The following FGD3 variants were observed in gnomAD, a reference collection of about 807,000 sequenced individuals.
FGD3 encodes FYVE, RhoGEF and PH domain-containing protein 3.
FGD3 carries 45 observed loss-of-function variants against 71.8 expected under a neutral mutation model. The ratio of observed to expected loss-of-function variants is 0.63; its 90% CI spans 0.49 to 0.80. FGD3 has a LOEUF of 0.80. Among genes scored for constraint, FGD3 ranks in the 30% least tolerant of loss-of-function variants. FGD3 has a pLI of 0.00. For missense variants in FGD3, 844 were observed against 951.5 expected (o/e 0.89, Z 1.49); for synonymous variants, 378 against 392.8 (o/e 0.96, Z 0.44).
At chr9:93,030,760 T>A (rs1201468530) in intron 15 of FGD3, among the ~76,000 whole-genome samples, 1 of 148,758 alleles carries the variant, frequency 6.7e-6, no homozygotes, top group Non-Finnish European at 1.5e-5. Context: ...GAAGGATGGA[T>A]GATGGATGGG....
chr9:92,993,458 G>A (rs1209780604), intron 3 of FGD3, among the ~76,000 whole-genome samples: 1 of 151,944 alleles, frequency 6.6e-6, no homozygotes, highest in East Asian at 1.9e-4. Context: ...CAGCCAATAT[G>A]TCTTTTTCTT....
At chr9:92,952,936 A>C (rs150357978) in intron 1 of FGD3, among the ~76,000 whole-genome samples, 97 of 152,298 alleles carry the variant, frequency 6.4e-4, no homozygotes, top group African/African-American at 2.3e-3. Flanking sequence ...CCTCTGGTTG[A>C]TCAGGAGCTT....
chr9:92,981,707 A>G (rs996756282), intron 3 of FGD3, among the ~76,000 whole-genome samples: 11 of 152,092 alleles, frequency 7.2e-5, no homozygotes, highest in African/African-American at 2.7e-4. Flanking sequence ...TCCTTCATAT[A>G]TTTAGGAGCG....
intron 3 of FGD3, among the ~76,000 whole-genome samples, chr9:92,997,612 C>T (rs986862740): frequency 2.0e-5 from 3 of 152,100 alleles, no homozygotes; most frequent in South Asian, 2.1e-4. Context: ...TGGCTGGTAC[C>T]GGTTGTTCCT....
Position 93,019,889 on chromosome 9 carries a change from CA to C in FGD3, c.1386+31del, listed in dbSNP as rs34123511. 995 of 1,612,762 alleles carry C rather than the reference CA, an allele frequency of 6.2e-4. 4 individuals are homozygous for C. In the African/African-American group the frequency reaches 0.011, roughly 18 times the overall value. On this transcript the variant is annotated intron_variant, in intron 12 of 17. Transcript: ENST00000375482. ...GAAGCTTCTAAAGTTGTAAAGTAACCAAATGACCAAGTGATTGAGCAGTAAG... is the reference window on the plus strand; with the variant it reads ...GAAGCTTCTAAAGTTGTAAAGTAACCAATGACCAAGTGATTGAGCAGTAAG...
chr9:92,948,871 A>G (rs1436337718), intron 1 of FGD3, among the ~76,000 whole-genome samples: 1 of 152,168 alleles, frequency 6.6e-6, no homozygotes, highest in Non-Finnish European at 1.5e-5. Flanking sequence ...CCAGGGTCCC[A>G]GCTCATTCAC....
intron 1 of FGD3, among the ~76,000 whole-genome samples, chr9:92,957,221 G>A (rs1859070922): frequency 1.3e-5 from 2 of 152,202 alleles, no homozygotes; most frequent in Admixed American, 1.3e-4. Flanking sequence ...ATACCTAGAA[G>A]TGCAATTGCT....
chr9:93,026,996 A>T lies in FGD3; in HGVS notation c.1558-2878A>T, dbSNP rs1160506790. Among the ~76,000 whole-genome samples, 3 of 152,218 alleles carry T rather than the reference A, an allele frequency of 2.0e-5. No individual in the cohort carries two copies. The East Asian group carries it at 5.8e-4, about 29-fold the overall frequency. On this transcript the variant is annotated intron_variant, in intron 14 of 17. Transcript: ENST00000375482. Reference sequence around the variant, plus strand: ...AGAGGTTTTTGCCGCCAGGTCAGTGATGCCCATTCCCCACCTAGTGTGCTT... The same window carrying T: ...AGAGGTTTTTGCCGCCAGGTCAGTGTTGCCCATTCCCCACCTAGTGTGCTT...
At chr9:92,958,391 A>G (rs1564140023) in intron 1 of FGD3, among the ~76,000 whole-genome samples, 1 of 152,220 alleles carries the variant, frequency 6.6e-6, no homozygotes. Context: ...GACCCCACAT[A>G]TTCAGAGACA....
Position 92,976,362 on chromosome 9 carries a change from C to T in FGD3, c.106C>T (p.Pro36Ser). Residue 36 changes from proline to serine, a missense_variant, in exon 3 of 18, where the codon CCT (proline) becomes TCT (serine). Transcript: ENST00000375482. ...CTCCCTAGGGAAGCTTCAGGCGCTC[C>T]CTGTTGGGCCCAGAGCCCACTGTGG... Reference protein sequence around the residue: ...SSSLGKLQALPVGPRAHCGDP... With the variant: ...SSSLGKLQALSVGPRAHCGDP... The T allele has an allele frequency of 6.8e-6, 11 of 1,610,562 alleles. No individual in the cohort carries two copies. Among genetic ancestry groups the T allele is most frequent in the South Asian group, 2.2e-5 (2 of 90,240 alleles).
chr9:92,955,443 G>T (rs1859033774), intron 1 of FGD3, among the ~76,000 whole-genome samples: 1 of 152,130 alleles, frequency 6.6e-6, no homozygotes, highest in Non-Finnish European at 1.5e-5. Flanking sequence ...GGCTGAGGCA[G>T]CCTGGGCAAA....
intron 14 of FGD3, among the ~76,000 whole-genome samples, chr9:93,028,496 C>A (rs537543207): frequency 2.6e-5 from 4 of 151,812 alleles, no homozygotes; most frequent in African/African-American, 9.7e-5. Flanking sequence ...ACAGTGGTTT[C>A]GGCACCCATA....
At chr9:93,020,279 C>T in intron 12 of FGD3, 38 bp from the exon 13 acceptor site, 1 of 1,566,898 alleles carries the variant, frequency 6.4e-7, no homozygotes, top group Non-Finnish European at 8.7e-7. Context: ...TCCTCCCATG[C>T]CCCTTTATAG....
At chr9:92,989,415 C>T (rs932558600) in intron 3 of FGD3, among the ~76,000 whole-genome samples, 22 of 152,344 alleles carry the variant, frequency 1.4e-4, no homozygotes, top group Middle Eastern at 3.4e-3. Flanking sequence ...CGTGAGCCAC[C>T]GCACCTGGCC....
chr9:93,021,883 C>T (rs1861931112), intron 13 of FGD3, among the ~76,000 whole-genome samples: 1 of 152,176 alleles, frequency 6.6e-6, no homozygotes, highest in Non-Finnish European at 1.5e-5. Flanking sequence ...AGACACTGAG[C>T]CTGGCTGTCC....
At chr9:93,010,657 A>G (rs537259353) in intron 7 of FGD3, among the ~76,000 whole-genome samples, 2 of 111,146 alleles carry the variant, frequency 1.8e-5, no homozygotes, top group Non-Finnish European at 3.6e-5. Context: ...AAGGAGGGGG[A>G]GAGAGAGGGA....
intron 3 of FGD3, among the ~76,000 whole-genome samples, chr9:92,977,718 C>T (rs1353691017): frequency 6.6e-6 from 1 of 152,110 alleles, no homozygotes; most frequent in Non-Finnish European, 1.5e-5. Context: ...CAGGGAAGCC[C>T]AGGGTCAGTC....
chr9:93,003,087 G>C lies in FGD3; in HGVS notation c.543+73G>C. Reference sequence around the variant, plus strand: ...TGGGCATTATAGGTGCAGTGTGAATGACTTAAATACTAAAACTCAGACAAA... The same window carrying C: ...TGGGCATTATAGGTGCAGTGTGAATCACTTAAATACTAAAACTCAGACAAA... On this transcript the variant is annotated intron_variant, in intron 4 of 17. Transcript: ENST00000375482. The surrounding 1 kb of genome is among the most constrained non-coding windows in gnomAD (Gnocchi z 4.1). The C allele has an allele frequency of 7.3e-7, 1 of 1,375,326 alleles. No individual in the cohort carries two copies. The highest frequency in any genetic ancestry group is 1.0e-6 in the Non-Finnish European group (1 of 975,824). The allele number at this position is 1,375,326 out of a possible 1,614,324, so 85.2% of individuals were successfully genotyped here. A position where few individuals can be genotyped will look rare whatever the true frequency, so the allele number is the denominator to read the frequency against.
At position 93,006,088 on chromosome 9, in the gene FGD3, G is replaced by A. The variant is rs550953081; in HGVS notation, c.745G>A (p.Glu249Lys). 14 of 1,613,372 alleles carry A rather than the reference G, an allele frequency of 8.7e-6. No individual in the cohort carries two copies. The highest frequency in any genetic ancestry group is 1.1e-5 in the Non-Finnish European group (13 of 1,179,740). Reference sequence around the variant, plus strand: ...GGCCCCATTCCTGAAGATGTACGGCGAGTATGTCAAGAACTTTGACCGAGC... The same window carrying A: ...GGCCCCATTCCTGAAGATGTACGGCAAGTATGTCAAGAACTTTGACCGAGC... ...KLAPFLKMYG[E>K]YVKNFDRAVG... The change falls in exon 6 of 18, where the codon GAG becomes AAG. Residue 249 changes from glutamate (E) to lysine (K), a missense_variant. Transcript: ENST00000375482.
Sources: allele counts gnomAD v4.1 joint callset (sites outside exome capture counted in the v4.1 genomes callset), GRCh38; gene constraint gnomAD v4.1.1; non-coding constraint Gnocchi (gnomAD v3.1); transcripts MANE v1.5; gene names NCBI Gene and HGNC (gene_info 2026-07-23, HGNC 2026-07-21).